The following SLC9A9 variants were observed in gnomAD, a reference collection of about 807,000 sequenced individuals.
The protein encoded by SLC9A9 is sodium/hydrogen exchanger 9.
Under a neutral mutation model 77.8 loss-of-function variants are expected in SLC9A9, and 62 were observed. The ratio of observed to expected loss-of-function variants is 0.80; its 90% CI spans 0.65 to 0.98. The LOEUF (loss-of-function observed/expected upper bound fraction) is 0.98, where lower values mean the gene tolerates loss of function less well. Ranked by LOEUF, SLC9A9 falls within the 50% of genes least tolerant of loss-of-function variation. SLC9A9 has a pLI of 0.00. For synonymous variants in SLC9A9, 320 were observed against 283.5 expected, an observed-to-expected ratio of 1.13 and a Z score of -1.29; for missense variants, 775 against 774.9, an observed-to-expected ratio of 1.00 and a Z score of 0.00.
At chr3:143,362,383 T>C (rs2032777229) in intron 14 of SLC9A9, among the ~76,000 whole-genome samples, 2 of 152,232 alleles carry the variant, frequency 1.3e-5, no homozygotes, top group Non-Finnish European at 2.9e-5. Flanking sequence ...TTTTTAATTG[T>C]CACATTGTTT....
chr3:143,540,095 G>T (rs2036661398), intron 9 of SLC9A9, among the ~76,000 whole-genome samples: 1 of 152,146 alleles, frequency 6.6e-6, no homozygotes, highest in South Asian at 2.1e-4. Context: ...TTGTTAGTAA[G>T]ACATTTAAAG....
chr3:143,575,641 A>C (rs2037345042), intron 7 of SLC9A9, among the ~76,000 whole-genome samples: 1 of 152,166 alleles, frequency 6.6e-6, no homozygotes, highest in Non-Finnish European at 1.5e-5. Context: ...CTTAGAGGGA[A>C]GTCTTTGTTT....
intron 5 of SLC9A9, among the ~76,000 whole-genome samples, chr3:143,677,786 A>C (rs1367254587): frequency 1.3e-5 from 2 of 151,292 alleles, no homozygotes; most frequent in Non-Finnish European, 2.9e-5. Flanking sequence ...TTGTGGAACA[A>C]GTGGATTTGT....
At chr3:143,686,171 C>A (rs61531318) in intron 5 of SLC9A9, among the ~76,000 whole-genome samples, 1 of 152,156 alleles carries the variant, frequency 6.6e-6, no homozygotes, top group Non-Finnish European at 1.5e-5. Context: ...ACACTCCACA[C>A]TTTGCCCTAG....
At chr3:143,813,964 T>C (rs911966694) in intron 2 of SLC9A9, among the ~76,000 whole-genome samples, 13 of 152,118 alleles carry the variant, frequency 8.5e-5, no homozygotes, top group African/African-American at 2.9e-4. Context: ...GTAATGATAG[T>C]GGGAATGAAG....
chr3:143,715,973 A>G (rs1576678002), intron 4 of SLC9A9, among the ~76,000 whole-genome samples: 1 of 152,256 alleles, frequency 6.6e-6, no homozygotes, highest in Non-Finnish European at 1.5e-5. Context: ...TTTCTGTCTT[A>G]CTACACACCA....
intron 2 of SLC9A9, among the ~76,000 whole-genome samples, chr3:143,817,339 G>A (rs908946353): frequency 2.7e-5 from 4 of 150,244 alleles, no homozygotes; most frequent in Non-Finnish European, 4.4e-5. Flanking sequence ...TAGTAGAGAC[G>A]GGGTTTCACC....
intron 2 of SLC9A9, among the ~76,000 whole-genome samples, chr3:143,822,263 T>C (rs746011482): frequency 3.3e-5 from 5 of 152,298 alleles, no homozygotes; most frequent in Non-Finnish European, 7.4e-5. Context: ...TCAAGGGCAC[T>C]TGATGAACTT....
At chr3:143,577,722 T>C (rs1191679368) in intron 7 of SLC9A9, among the ~76,000 whole-genome samples, 1 of 152,160 alleles carries the variant, frequency 6.6e-6, no homozygotes, top group Non-Finnish European at 1.5e-5. Flanking sequence ...CAAGACCCCA[T>C]AGAAAAAGGC....
chr3:143,800,111 T>C (rs1576735659), intron 2 of SLC9A9, among the ~76,000 whole-genome samples: 1 of 152,172 alleles, frequency 6.6e-6, no homozygotes, highest in South Asian at 2.1e-4. Flanking sequence ...CCATACCTCA[T>C]TGCTGCCTTT....
At chr3:143,402,466 T>G (rs939087939) in intron 12 of SLC9A9, among the ~76,000 whole-genome samples, 6 of 105,116 alleles carry the variant, frequency 5.7e-5, no homozygotes, top group African/African-American at 1.8e-4. Flanking sequence ...TTTTTTTTTT[T>G]GTAGAACTGA....
At chr3:143,432,158 C>T (rs2034528947) in intron 12 of SLC9A9, among the ~76,000 whole-genome samples, 1 of 152,166 alleles carries the variant, frequency 6.6e-6, no homozygotes, top group Non-Finnish European at 1.5e-5. Context: ...ATGAAAACAC[C>T]CTGAGCACAG....
rs534339294 is a variant in SLC9A9, at chr3:143,691,476, A to T, written c.649+1716T>A. 1.1e-4 allele frequency among the ~76,000 whole-genome samples: 16 copies of T among 152,292 alleles called. 1 individual carries two copies. Among genetic ancestry groups the T allele is most frequent in the Admixed American group, 6.5e-4 (10 of 15,268 alleles). Reference sequence around the variant, plus strand: ...TGGCATTCTTCTGTTGAATAAAAACAACTTAACAGAATGACATCAGGCAAG... The same window carrying T: ...TGGCATTCTTCTGTTGAATAAAAACTACTTAACAGAATGACATCAGGCAAG... On this transcript the variant is annotated intron_variant, in intron 5 of 15. Transcript: ENST00000316549.
intron 12 of SLC9A9, among the ~76,000 whole-genome samples, chr3:143,403,523 T>C (rs541035253): frequency 1.3e-5 from 2 of 152,302 alleles, no homozygotes; most frequent in Non-Finnish European, 2.9e-5. Context: ...TCCTTAGTAA[T>C]TATTGTCAGG....
At chr3:143,423,216 TACAC>T (rs68149837) in intron 12 of SLC9A9, among the ~76,000 whole-genome samples, 59,420 of 144,094 alleles carry the variant, frequency 0.41, 12,201 homozygotes, top group Middle Eastern at 0.46. Flanking sequence ...CACACACACG[TACAC>T]ACACACACAC....
intron 13 of SLC9A9, among the ~76,000 whole-genome samples, chr3:143,374,622 T>A (rs1296665277): frequency 2.0e-5 from 3 of 151,816 alleles, no homozygotes; most frequent in Non-Finnish European, 4.4e-5. Flanking sequence ...GTTAAATTTT[T>A]AAATTATTTT....
chr3:143,615,038 G>T (rs918032639), intron 6 of SLC9A9, among the ~76,000 whole-genome samples: 8 of 152,114 alleles, frequency 5.3e-5, no homozygotes, highest in Non-Finnish European at 1.0e-4. Context: ...TTCTCCAGGG[G>T]TGTGCTACCC....
intron 2 of SLC9A9, among the ~76,000 whole-genome samples, chr3:143,812,580 T>G (rs1559809629): frequency 6.6e-6 from 1 of 152,196 alleles, no homozygotes; most frequent in Non-Finnish European, 1.5e-5. Context: ...TAGACTACAT[T>G]TCCTTGTAGT....
chr3:143,552,575 T>C, intron 8 of SLC9A9, 125 bp from the exon 9 acceptor site: 1 of 742,242 alleles, frequency 1.3e-6, no homozygotes, highest in Non-Finnish European at 2.3e-6. Context: ...GTAGTTACCA[T>C]GATAATGCAA....
Sources: gnomAD v4.1 joint callset for allele counts (sites outside exome capture counted in the v4.1 genomes callset) on GRCh38, gnomAD v4.1.1 for gene constraint, MANE v1.5 for transcripts, NCBI Gene and HGNC (gene_info 2026-07-23, HGNC 2026-07-21) for gene names.